The following ZNF407 variants were observed in gnomAD, a reference collection of about 807,000 sequenced individuals.
The protein encoded by ZNF407 is zinc finger protein 407.
A neutral mutation model predicts 131.2 loss-of-function variants in ZNF407; 17 were observed. That is an observed-to-expected ratio of 0.13 (90% CI 0.09 to 0.19). The LOEUF (loss-of-function observed/expected upper bound fraction) is 0.19, where lower values mean the gene tolerates loss of function less well. Ranked by LOEUF, ZNF407 falls within the 10% of genes least tolerant of loss-of-function variation. ZNF407 has a pLI of 1.00. For synonymous variants in ZNF407, 1,156 were observed against 1,062.0 expected (o/e 1.09, Z -1.72); for missense variants, 2,681 against 2,830.6 (o/e 0.95, Z 1.20).
At chr18:74,930,316 T>A (rs1287516356) in intron 8 of ZNF407, among the ~76,000 whole-genome samples, 1 of 152,236 alleles carries the variant, frequency 6.6e-6, no homozygotes, top group Non-Finnish European at 1.5e-5. Flanking sequence ...CTGGAGCACC[T>A]GGTGACTGAG....
At chr18:75,034,983 C>T (rs1370332186) in intron 8 of ZNF407, among the ~76,000 whole-genome samples, 2 of 152,166 alleles carry the variant, frequency 1.3e-5, no homozygotes, top group Non-Finnish European at 2.9e-5. Flanking sequence ...TATTATACAT[C>T]ATTAAAGTAA....
At chr18:74,856,438 G>A (rs1970860288) in intron 4 of ZNF407, among the ~76,000 whole-genome samples, 1 of 152,190 alleles carries the variant, frequency 6.6e-6, no homozygotes, top group Admixed American at 6.6e-5. Context: ...GGAGAAGAAA[G>A]CAATCTAGTA....
intron 1 of ZNF407, among the ~76,000 whole-genome samples, chr18:74,612,375 T>G (rs1983101062): frequency 6.6e-6 from 1 of 152,184 alleles, no homozygotes; most frequent in Non-Finnish European, 1.5e-5. Context: ...TTTTGTTATA[T>G]TTTGCACAAC....
chr18:74,803,889 T>C (rs2145075460), intron 4 of ZNF407: 3 of 1,491,082 alleles, frequency 2.0e-6, no homozygotes, highest in Non-Finnish European at 1.8e-6. Flanking sequence ...GAGCGAAAAA[T>C]GTTCACGAGA....
chr18:74,896,716 G>A (rs939893788), intron 7 of ZNF407, among the ~76,000 whole-genome samples: 3 of 152,188 alleles, frequency 2.0e-5, no homozygotes, highest in Non-Finnish European at 2.9e-5. Flanking sequence ...TCCCTTTCAC[G>A]TGGAGTAGAA....
intron 7 of ZNF407, among the ~76,000 whole-genome samples, chr18:74,906,504 G>T (rs1209353653): frequency 6.6e-6 from 1 of 152,104 alleles, no homozygotes; most frequent in Non-Finnish European, 1.5e-5. Flanking sequence ...GGTCATATTT[G>T]CTTTATATGT....
At position 74,716,572 on chromosome 18, in the gene ZNF407, A is replaced by G. The variant is rs569429582; in HGVS notation, c.4803-64856A>G. Among the ~76,000 whole-genome samples, 199 of 152,314 alleles carry G rather than the reference A, an allele frequency of 1.3e-3. 2 individuals are homozygous for G. The highest frequency in any genetic ancestry group is 4.6e-3 in the African/African-American group (190 of 41,570). On this transcript the variant is annotated intron_variant, in intron 3 of 8. Transcript: ENST00000299687. ...ATATTTAACTTATCCGTGGAGTTTT[A>G]CATGTAAAACTTAAAATAACAGTAA...
At chr18:74,697,710 A>G (rs1005369817) in intron 3 of ZNF407, among the ~76,000 whole-genome samples, 2 of 152,224 alleles carry the variant, frequency 1.3e-5, no homozygotes, top group African/African-American at 4.8e-5. Flanking sequence ...TAAAAATTAA[A>G]TGATGAATTA....
At position 74,599,200 on chromosome 18, in the gene ZNF407, C is replaced by CA. The variant is rs139637644; in HGVS notation, c.-54+1264dup. On this transcript the variant is annotated intron_variant, in intron 1 of 8. Coordinates refer to ENST00000299687, the MANE Select transcript of ZNF407 (RefSeq NM_017757.3). ...TATTCCCTTTTTACAAACTGAGACT[C>CA]ACTTTGCTATATACAAAATTACTGC... 6.4e-3 allele frequency among the ~76,000 whole-genome samples: 972 copies of CA among 152,310 alleles called. 12 individuals carry two copies. Among genetic ancestry groups the CA allele is most frequent in the African/African-American group, 0.022 (916 of 41,566 alleles).
intron 3 of ZNF407, among the ~76,000 whole-genome samples, chr18:74,654,550 T>C (rs1259982214): frequency 6.6e-6 from 1 of 151,816 alleles, no homozygotes; most frequent in Non-Finnish European, 1.5e-5. Context: ...TTTGTGTAGC[T>C]ACATGATTTA....
rs117552664 is a variant in ZNF407, at chr18:75,056,003, G to T, written c.5429-7147G>T. Among the ~76,000 whole-genome samples the T allele has an allele frequency of 4.2e-3, 637 of 152,288 alleles. 11 individuals carry two copies. The highest frequency in any genetic ancestry group is 0.015 in the African/African-American group (609 of 41,568). On this transcript the variant is annotated intron_variant, in intron 8 of 8. Transcript: ENST00000299687. ...CCATCTCTTCTTATAAAACAGCAGC[G>T]TCATGAAATGCGGGGCATGGCGAAG...
At chr18:75,059,810 A>G (rs1973603667) in intron 8 of ZNF407, among the ~76,000 whole-genome samples, 1 of 152,154 alleles carries the variant, frequency 6.6e-6, no homozygotes, top group South Asian at 2.1e-4. Flanking sequence ...TTACAAGACA[A>G]CCATGAGACA....
chr18:74,784,915 A>G (rs1439790943), intron 4 of ZNF407, among the ~76,000 whole-genome samples: 1 of 152,198 alleles, frequency 6.6e-6, no homozygotes, highest in African/African-American at 2.4e-5. Context: ...CAGTGCTGGA[A>G]ATCAGCTGGG....
At chr18:74,766,258 T>C (rs567666734) in intron 3 of ZNF407, among the ~76,000 whole-genome samples, 7 of 152,284 alleles carry the variant, frequency 4.6e-5, no homozygotes, top group Admixed American at 3.3e-4. Context: ...GAATGAGAAC[T>C]TGGGGGACCC....
Position 75,063,338 on chromosome 18 carries a change from G to A in ZNF407, c.5617G>A (p.Asp1873Asn), listed in dbSNP as rs199921219. The change falls in exon 9 of 9, where the codon GAC (aspartate) becomes AAC (asparagine). Residue 1873 changes from aspartate to asparagine, a missense_variant. Around this residue, in one of 6 missense-constraint regions of ZNF407, gnomAD observed 620 missense variants for 583.1 expected, o/e 1.06. Transcript: ENST00000299687. This position sits in a 1 kb window ranked among gnomAD's most constrained non-coding sequence, Gnocchi z 6.6. ...VQQVIIFQGY[D>N]GEFALDPSVE... ...GCAGGTCATCATCTTCCAGGGCTACGACGGGGAGTTTGCCCTGGACCCCTC... is the reference window on the plus strand; with the variant it reads ...GCAGGTCATCATCTTCCAGGGCTACAACGGGGAGTTTGCCCTGGACCCCTC... The A allele has an allele frequency of 5.3e-5, 86 of 1,613,162 alleles. 1 individual carries two copies. Among genetic ancestry groups the A allele is most frequent in the African/African-American group, 4.5e-4 (34 of 75,050 alleles).
intron 4 of ZNF407, among the ~76,000 whole-genome samples, chr18:74,854,695 TTACA>T (rs1970834395): frequency 6.6e-6 from 1 of 152,082 alleles, no homozygotes; most frequent in African/African-American, 2.4e-5. Flanking sequence ...ACAATATATA[TTACA>T]CACCCAATGC....
At chr18:74,944,346 A>C (rs1972131668) in intron 8 of ZNF407, among the ~76,000 whole-genome samples, 2 of 152,222 alleles carry the variant, frequency 1.3e-5, no homozygotes, top group South Asian at 4.1e-4. Flanking sequence ...TAAAGTATCC[A>C]TGCACAAAGT....
intron 3 of ZNF407, among the ~76,000 whole-genome samples, chr18:74,706,940 CTT>C (rs34700805): frequency 7.6e-5 from 10 of 132,362 alleles, no homozygotes; most frequent in African/African-American, 1.2e-4. Context: ...AAGACAGCAG[CTT>C]TTTTTTTTTT....
At chr18:74,599,956 T>C (rs905213961) in intron 1 of ZNF407, among the ~76,000 whole-genome samples, 1 of 152,232 alleles carries the variant, frequency 6.6e-6, no homozygotes, top group African/African-American at 2.4e-5. Flanking sequence ...AGCGTTTTCC[T>C]TGCTTTCCAA....
Sources: allele counts gnomAD v4.1 joint callset (sites outside exome capture counted in the v4.1 genomes callset), GRCh38; gene constraint gnomAD v4.1.1; regional missense constraint gnomAD v4.1.1; non-coding constraint Gnocchi (gnomAD v3.1); transcripts MANE v1.5; gene names NCBI Gene and HGNC (gene_info 2026-07-23, HGNC 2026-07-21).